The following GNB1L variants were observed in gnomAD, a reference collection of about 807,000 sequenced individuals.
The protein encoded by GNB1L is G protein subunit beta 1 like.
A neutral mutation model predicts 29.1 loss-of-function variants in GNB1L; 20 were observed. The observed-to-expected ratio is 0.69, with a 90% CI of 0.48 to 1.00. The LOEUF is 1.00. GNB1L is among the 50% of genes least tolerant of loss of function. GNB1L has a pLI of 0.00. For synonymous variants in GNB1L, 193 were observed against 206.5 expected, an observed-to-expected ratio of 0.93 and a Z score of 0.56; for missense variants, 421 against 464.9, an observed-to-expected ratio of 0.91 and a Z score of 0.87.
intron 2 of GNB1L, among the ~76,000 whole-genome samples, chr22:19,852,662 C>T (rs1300507326): frequency 6.6e-6 from 1 of 152,200 alleles, no homozygotes; most frequent in East Asian, 1.9e-4. Flanking sequence ...CTGCCTATGA[C>T]ATTGCAAGGG....
chr22:19,850,562 C>T, intron 2 of GNB1L: 1 of 1,127,262 alleles, frequency 8.9e-7, no homozygotes, highest in Non-Finnish European at 1.1e-6. Context: ...TCCAGCTGCC[C>T]AGAACTGCTG....
intron 2 of GNB1L, chr22:19,851,804 C>T: frequency 6.2e-7 from 1 of 1,614,098 alleles, no homozygotes; most frequent in Non-Finnish European, 8.5e-7. Flanking sequence ...GGGGGCTGCC[C>T]AGGCCTGGGC....
intron 7 of GNB1L, among the ~76,000 whole-genome samples, chr22:19,790,235 T>G (rs1182378587): frequency 6.7e-6 from 1 of 148,802 alleles, no homozygotes; most frequent in Non-Finnish European, 1.5e-5. Context: ...TAGGATCAGC[T>G]CTAAGACAAT....
chr22:19,813,805 G>A (rs116456228), intron 4 of GNB1L, among the ~76,000 whole-genome samples: 3,186 of 152,198 alleles, frequency 0.021, 109 homozygotes, highest in African/African-American at 0.073. Flanking sequence ...GATCAGCCTG[G>A]GCAAAATAGT....
intron 7 of GNB1L, among the ~76,000 whole-genome samples, chr22:19,796,027 G>A (rs981188679): frequency 2.6e-5 from 4 of 152,342 alleles, no homozygotes; most frequent in East Asian, 1.9e-4. Context: ...ATGTGTCTAC[G>A]CCTGGAGGGC....
At chr22:19,806,849 G>T in intron 5 of GNB1L, 92 bp from the exon 6 acceptor site, 2 of 906,896 alleles carry the variant, frequency 2.2e-6, no homozygotes, top group Non-Finnish European at 1.8e-6. Flanking sequence ...AGCCCGGGCT[G>T]CTGTGAGTTT....
intron 2 of GNB1L, among the ~76,000 whole-genome samples, chr22:19,840,112 T>C (rs1937834145): frequency 1.3e-5 from 2 of 152,012 alleles, no homozygotes; most frequent in African/African-American, 4.8e-5. Context: ...ATGTGGTCTC[T>C]CTCTTACAAT....
intron 4 of GNB1L, among the ~76,000 whole-genome samples, chr22:19,819,015 G>A (rs1937557186): frequency 6.6e-6 from 1 of 152,134 alleles, no homozygotes; most frequent in Non-Finnish European, 1.5e-5. Flanking sequence ...CCTACCTCCG[G>A]CCTGGTGTCT....
intron 6 of GNB1L, 43 bp downstream of exon 6, chr22:19,806,615 TG>T (rs763044366): frequency 1.0e-5 from 12 of 1,198,840 alleles, no homozygotes; most frequent in African/African-American, 3.0e-5. Flanking sequence ...CTCATGGCCG[TG>T]GGTGTGGCCG....
At chr22:19,848,063 T>C (rs1326687637) in intron 2 of GNB1L, 1 of 985,278 alleles carries the variant, frequency 1.0e-6, no homozygotes, top group Non-Finnish European at 1.2e-6. Context: ...TCTGTCCACA[T>C]CTAAGTGCTT....
intron 2 of GNB1L, chr22:19,851,367 G>A: frequency 1.2e-6 from 2 of 1,614,164 alleles, no homozygotes; most frequent in Non-Finnish European, 1.7e-6. Flanking sequence ...CTAGGGACAG[G>A]TGTGGGGGCT....
intron 4 of GNB1L, among the ~76,000 whole-genome samples, chr22:19,813,074 G>A (rs1204085353): frequency 6.6e-6 from 1 of 152,184 alleles, no homozygotes; most frequent in Admixed American, 6.5e-5. Flanking sequence ...GAGGCACAGG[G>A]GAGACATGGG....
intron 2 of GNB1L, chr22:19,851,457 C>T (rs1364945016): frequency 1.2e-6 from 2 of 1,613,956 alleles, no homozygotes; most frequent in Non-Finnish European, 1.7e-6. Flanking sequence ...ACTGGGGGCT[C>T]CTTGGGCCCA....
In GNB1L at chr22:19,837,997, C is replaced by T. The variant is rs578082469; in HGVS notation, c.-21+16446G>A. On this transcript the variant is annotated intron_variant, in intron 2 of 7. Transcript: ENST00000329517. ...GGAAGAAGGGAGGGGCATGCAGAGA[C>T]GCAGGAAGATACTTTAGGCACAGTG... 1.2e-4 allele frequency among the ~76,000 whole-genome samples: 18 copies of T among 152,258 alleles called. No individual in the cohort carries two copies. The East Asian group carries it at 2.1e-3, about 18-fold the overall frequency.
chr22:19,832,095 T>G (rs915657132), intron 2 of GNB1L, among the ~76,000 whole-genome samples: 3 of 152,136 alleles, frequency 2.0e-5, no homozygotes, highest in Non-Finnish European at 2.9e-5. Flanking sequence ...TTTGGGAGGC[T>G]GAGGTGGGAG....
chr22:19,791,335 T>C (rs1050094075), intron 7 of GNB1L, among the ~76,000 whole-genome samples: 7 of 152,212 alleles, frequency 4.6e-5, no homozygotes, highest in African/African-American at 1.7e-4. Context: ...GAGAAACTGG[T>C]ACCAGACTAG....
At position 19,816,142 on chromosome 22, in the gene GNB1L, T is replaced by C. The variant is rs540097005; in HGVS notation, c.255-3695A>G. On this transcript the variant is annotated intron_variant, in intron 4 of 7. Transcript: ENST00000329517. The surrounding 1 kb of genome is among the most constrained non-coding windows in gnomAD (Gnocchi z 4.4). ...TGCCTCTGCCCCCTGCATGGCCCCT[T>C]CTCTCTCCCTGTCTCTGCCTCTCTC... Among the ~76,000 whole-genome samples the C allele has an allele frequency of 7.9e-5, 12 of 152,206 alleles. No individual in the cohort carries two copies. Among genetic ancestry groups the C allele is most frequent in the African/African-American group, 2.9e-4 (12 of 41,524 alleles).
intron 2 of GNB1L, chr22:19,851,391 G>A (rs1437000919): frequency 6.2e-7 from 1 of 1,614,002 alleles, no homozygotes; most frequent in South Asian, 1.1e-5. Flanking sequence ...TCCTCTGGCT[G>A]GGAAGAGGCT....
intron 7 of GNB1L, among the ~76,000 whole-genome samples, chr22:19,798,254 G>A (rs1937330165): frequency 6.6e-6 from 1 of 152,126 alleles, no homozygotes; most frequent in Non-Finnish European, 1.5e-5. Context: ...TTCGCCGCCT[G>A]TGCTTGCAGA....
Sources: gnomAD v4.1 joint callset for allele counts (sites outside exome capture counted in the v4.1 genomes callset) on GRCh38, gnomAD v4.1.1 for gene constraint, Gnocchi (gnomAD v3.1) non-coding constraint, MANE v1.5 for transcripts, NCBI Gene and HGNC (gene_info 2026-07-23, HGNC 2026-07-21) for gene names.